KHDRBS2: variants seen among roughly 807,000 people sequenced by gnomAD.
KHDRBS2 encodes the protein KH RNA binding domain containing, signal transduction associated 2, also known as KH domain-containing, RNA-binding, signal transduction-associated protein 2.
KHDRBS2 carries 26 observed loss-of-function variants against 44.3 expected under a neutral mutation model. The observed-to-expected ratio is 0.59, with a 90% confidence interval of 0.43 to 0.81. KHDRBS2 has a LOEUF of 0.81. Among genes scored for constraint, KHDRBS2 ranks in the 40% least tolerant of loss-of-function variants. KHDRBS2 has a pLI of 0.00. For synonymous variants in KHDRBS2, 194 were observed against 151.1 expected (o/e 1.28, Z -2.08); for missense variants, 476 against 433.1 (o/e 1.10, Z -0.88).
At chr6:61,563,406 G>A in the KHDRBS2 span, among the ~76,000 whole-genome samples, 2 of 151,968 alleles carry the variant, frequency 1.3e-5, no homozygotes, top group East Asian at 1.9e-4. Flanking sequence ...CTTAATTTTA[G>A]GTATAAAAAG....
chr6:61,935,148 T>C (rs1357141713), intron 4 of KHDRBS2, among the ~76,000 whole-genome samples: 4 of 152,202 alleles, frequency 2.6e-5, no homozygotes. Flanking sequence ...AGGTAGATTC[T>C]TGAGGGTTGG....
chr6:61,777,371 A>C (rs1445694803), intron 6 of KHDRBS2, among the ~76,000 whole-genome samples: 11 of 152,146 alleles, frequency 7.2e-5, no homozygotes, highest in Admixed American at 7.2e-4. Flanking sequence ...GGCTTGAATT[A>C]AGGAGGAAAA....
chr6:61,715,580 C>T (rs2127552733), intron 7 of KHDRBS2, among the ~76,000 whole-genome samples: 1 of 152,008 alleles, frequency 6.6e-6, no homozygotes, highest in East Asian at 1.9e-4. Context: ...ATCAGCTCTT[C>T]TGAGAAGCCT....
intron 6 of KHDRBS2, among the ~76,000 whole-genome samples, chr6:61,819,479 C>T (rs2127249818): frequency 6.6e-6 from 1 of 152,094 alleles, no homozygotes; most frequent in South Asian, 2.1e-4. Context: ...TCTGTCCATT[C>T]TTAATGCTGT....
intron 7 of KHDRBS2, among the ~76,000 whole-genome samples, chr6:61,706,621 T>TA (rs2127548396): frequency 6.6e-6 from 1 of 151,864 alleles, no homozygotes; most frequent in East Asian, 1.9e-4. Flanking sequence ...TGTGATCACA[T>TA]AAAAATCATT....
intron 6 of KHDRBS2, among the ~76,000 whole-genome samples, chr6:61,781,316 T>A (rs1782894227): frequency 6.6e-6 from 1 of 152,140 alleles, no homozygotes; most frequent in Non-Finnish European, 1.5e-5. Flanking sequence ...ACTGGTAAAA[T>A]GTGAATAATA....
At chr6:61,800,125 T>C (rs1786025850) in intron 6 of KHDRBS2, among the ~76,000 whole-genome samples, 1 of 152,154 alleles carries the variant, frequency 6.6e-6, no homozygotes, top group South Asian at 2.1e-4. Context: ...GGACTTGTTC[T>C]AGTGTCTAGG....
chr6:61,945,113 GTATATATA>G (rs61105265), intron 4 of KHDRBS2, among the ~76,000 whole-genome samples: 2 of 14,990 alleles, frequency 1.3e-4, no homozygotes, highest in Non-Finnish European at 2.3e-4. Flanking sequence ...AAAAAAAAAA[GTATATATA>G]TATATATATA....
chr6:61,585,199 G>A, the KHDRBS2 span, among the ~76,000 whole-genome samples: 4 of 151,596 alleles, frequency 2.6e-5, no homozygotes, highest in Non-Finnish European at 5.9e-5. Context: ...TTCAGTGCAT[G>A]AAAGAGTGAT....
At chr6:61,594,183 A>G in the KHDRBS2 span, among the ~76,000 whole-genome samples, 3 of 152,146 alleles carry the variant, frequency 2.0e-5, no homozygotes, top group Non-Finnish European at 4.4e-5. Context: ...TACAAATTGC[A>G]TAAAATAAAA....
chr6:62,048,564 C>T (rs1788265167), intron 2 of KHDRBS2, among the ~76,000 whole-genome samples: 1 of 151,858 alleles, frequency 6.6e-6, no homozygotes, highest in South Asian at 2.1e-4. Context: ...TTCAATCTTA[C>T]ATTGTCTATA....
the KHDRBS2 span, among the ~76,000 whole-genome samples, chr6:61,648,156 A>C: frequency 2.0e-5 from 3 of 152,006 alleles, no homozygotes; most frequent in Admixed American, 2.0e-4. Flanking sequence ...TAATATAATA[A>C]TATTATAAGA....
chr6:61,974,930 TAAAAAATA>T lies in KHDRBS2; in HGVS notation c.483+3128_483+3135del, dbSNP rs796237538. Reference sequence around the variant, plus strand: ...TGGGCGACATAGCAAGACTCCATCTTAAAAAATAAATAAATAAATAAATAAATAAATAA... The same window carrying T: ...TGGGCGACATAGCAAGACTCCATCTTAATAAATAAATAAATAAATAAATAA... On this transcript the variant is annotated intron_variant, in intron 4 of 8. Coordinates refer to ENST00000281156, the MANE Select transcript of KHDRBS2 (RefSeq NM_152688.4). Among the ~76,000 whole-genome samples, 458 of 115,142 alleles carry T rather than the reference TAAAAAATA, an allele frequency of 4.0e-3. 8 individuals are homozygous for T. The highest frequency in any genetic ancestry group is 0.037 in the East Asian group (151 of 4,030). 75.5% of individuals were successfully genotyped at this position (115,142 alleles called of 152,430 possible).
At chr6:61,612,201 C>A in the KHDRBS2 span, among the ~76,000 whole-genome samples, 1 of 152,122 alleles carries the variant, frequency 6.6e-6, no homozygotes, top group Non-Finnish European at 1.5e-5. Context: ...CAAACTCTCT[C>A]ATTTGTTCTC....
intron 6 of KHDRBS2, among the ~76,000 whole-genome samples, chr6:61,875,539 G>T (rs559103042): frequency 6.6e-6 from 1 of 152,244 alleles, no homozygotes; most frequent in African/African-American, 2.4e-5. Context: ...TTAACTCTGA[G>T]AAATAGGTTC....
intron 1 of KHDRBS2, among the ~76,000 whole-genome samples, chr6:62,277,922 T>A (rs1319718625): frequency 2.0e-5 from 3 of 152,158 alleles, no homozygotes; most frequent in East Asian, 3.9e-4. Flanking sequence ...CTCACAAGTA[T>A]TTGGCAAATA....
intron 1 of KHDRBS2, among the ~76,000 whole-genome samples, chr6:62,185,102 C>T (rs560389619): frequency 7.7e-4 from 117 of 151,884 alleles, no homozygotes; most frequent in African/African-American, 2.7e-3. Context: ...GTTATTATAA[C>T]GATTAGCATT....
chr6:61,763,614 T>C (rs1226030488), intron 6 of KHDRBS2, among the ~76,000 whole-genome samples: 2 of 152,134 alleles, frequency 1.3e-5, no homozygotes, highest in African/African-American at 4.8e-5. Flanking sequence ...ATAAAACCTT[T>C]ACAGGTATCA....
chr6:61,573,489 T>C, the KHDRBS2 span, among the ~76,000 whole-genome samples: 10 of 152,098 alleles, frequency 6.6e-5, no homozygotes, highest in Non-Finnish European at 1.0e-4. Flanking sequence ...AAAATTGATA[T>C]GGAACCATAA....
Sources: allele counts gnomAD v4.1 joint callset (sites outside exome capture counted in the v4.1 genomes callset), GRCh38; gene constraint gnomAD v4.1.1; transcripts MANE v1.5; gene names NCBI Gene and HGNC (gene_info 2026-07-23, HGNC 2026-07-21).